NYAP2: variants seen among roughly 807,000 people sequenced by gnomAD.
The protein encoded by NYAP2 is neuronal tyrosine-phosphorylated phosphoinositide-3-kinase adapter 2.
Under a neutral mutation model 50.4 loss-of-function variants are expected in NYAP2, and 23 were observed. That is an observed-to-expected ratio of 0.46 (90% CI 0.33 to 0.65). The LOEUF is 0.65. Among genes scored for constraint, NYAP2 ranks in the 30% least tolerant of loss-of-function variants. The probability of loss-of-function intolerance (pLI) is 0.02; values close to 1 mark genes in which losing one functional copy is unlikely to be tolerated. For synonymous variants in NYAP2, 394 were observed against 365.2 expected (o/e 1.08, Z -0.90); for missense variants, 885 against 861.0 (o/e 1.03, Z -0.35).
Position 225,478,066 on chromosome 2 carries a change from G to A in NYAP2, c.222-35305G>A, listed in dbSNP as rs143474986. 3.9e-3 allele frequency among the ~76,000 whole-genome samples: 592 copies of A among 152,284 alleles called. 1 individual carries two copies. The highest frequency in any genetic ancestry group is 6.8e-3 in the Middle Eastern group (2 of 294). On this transcript the variant is annotated intron_variant, in intron 3 of 6. Transcript: ENST00000636099. ...AGGAACGGTTGAAATTAATCCTGTA[G>A]GCATTTAAGGAACATAAGTCATTAA...
At chr2:225,408,676 G>T (rs761917473) in intron 2 of NYAP2, among the ~76,000 whole-genome samples, 188 bp from the exon 3 acceptor site, 1 of 152,012 alleles carries the variant, frequency 6.6e-6, no homozygotes, top group Non-Finnish European at 1.5e-5. Context: ...TTGAGAGAAG[G>T]TTTGCTATTC....
chr2:225,465,070 T>C (rs1407854246), intron 3 of NYAP2, among the ~76,000 whole-genome samples: 2 of 151,434 alleles, frequency 1.3e-5, no homozygotes, highest in South Asian at 2.1e-4. Flanking sequence ...CAATGCAAGA[T>C]ACCATTTTTA....
chr2:225,603,430 A>C (rs1330619103), intron 5 of NYAP2, among the ~76,000 whole-genome samples: 1 of 152,152 alleles, frequency 6.6e-6, no homozygotes, highest in African/African-American at 2.4e-5. Context: ...GTAGTAAAGA[A>C]GACAGACAGA....
intron 4 of NYAP2, among the ~76,000 whole-genome samples, chr2:225,566,598 G>T (rs531400455): frequency 6.6e-5 from 10 of 152,326 alleles, no homozygotes; most frequent in African/African-American, 2.4e-4. Context: ...GGACACTTTT[G>T]TGCTGTCACA....
At chr2:225,454,280 A>G (rs1219772759) in intron 3 of NYAP2, among the ~76,000 whole-genome samples, 2 of 152,190 alleles carry the variant, frequency 1.3e-5, no homozygotes, top group African/African-American at 4.8e-5. Context: ...GCAATGAGCC[A>G]TGATTGTACC....
intron 4 of NYAP2, among the ~76,000 whole-genome samples, chr2:225,539,943 C>T (rs1691427902): frequency 1.3e-5 from 2 of 152,170 alleles, no homozygotes; most frequent in Non-Finnish European, 2.9e-5. Flanking sequence ...CCTTAATCAT[C>T]TCTCTCAAGT....
At chr2:225,695,818 A>G in the NYAP2 span, among the ~76,000 whole-genome samples, 1 of 151,970 alleles carries the variant, frequency 6.6e-6, no homozygotes, top group Non-Finnish European at 1.5e-5. Flanking sequence ...ACAAACACCT[A>G]AAATTTTATT....
intron 4 of NYAP2, among the ~76,000 whole-genome samples, chr2:225,519,738 G>A (rs1691012712): frequency 6.6e-6 from 1 of 152,092 alleles, no homozygotes; most frequent in African/African-American, 2.4e-5. Flanking sequence ...ACATACATGT[G>A]CATGTGTCTT....
Position 225,582,388 on chromosome 2 carries a change from C to T in NYAP2, c.971C>T (p.Pro324Leu), listed in dbSNP as rs752410491. Residue 324 changes from proline to leucine, a missense_variant, in exon 5 of 7, where the codon CCG becomes CTG. Pro to Leu is a moderately conservative substitution (Grantham distance 98). Transcript: ENST00000636099. The surrounding 1 kb of genome is among the most constrained non-coding windows in gnomAD (Gnocchi z 7.0). The stretch of plus-strand genomic sequence containing the variant: ...AAGGGGCTGCTTTGCGACATCCCTC[C>T]GCCCTTCCCCAACCTGCTTTCTCAC... 1 of 1,609,234 alleles carries T rather than the reference C, an allele frequency of 6.2e-7. No individual in the cohort carries two copies. Among genetic ancestry groups the T allele is most frequent in the Non-Finnish European group, 8.5e-7 (1 of 1,176,396 alleles).
chr2:225,531,270 C>G (rs150251349), intron 4 of NYAP2, among the ~76,000 whole-genome samples: 1 of 152,132 alleles, frequency 6.6e-6, no homozygotes, highest in Non-Finnish European at 1.5e-5. Flanking sequence ...TGCCTCTGTG[C>G]CCTTGCTTGT....
At chr2:225,470,226 A>G (rs1689990848) in intron 3 of NYAP2, among the ~76,000 whole-genome samples, 1 of 152,192 alleles carries the variant, frequency 6.6e-6, no homozygotes, top group South Asian at 2.1e-4. Context: ...TGCCTAAAGT[A>G]AAAGACTTGA....
intron 4 of NYAP2, among the ~76,000 whole-genome samples, chr2:225,569,089 A>G (rs1171394220): frequency 6.6e-6 from 1 of 152,176 alleles, no homozygotes; most frequent in East Asian, 1.9e-4. Context: ...GAGGGATAGC[A>G]AATAATTTTT....
At chr2:225,452,666 T>C (rs189130331) in intron 3 of NYAP2, among the ~76,000 whole-genome samples, 103 of 152,260 alleles carry the variant, frequency 6.8e-4, no homozygotes, top group Admixed American at 6.5e-3. Flanking sequence ...AACCCAAGAG[T>C]GCCTAGAGTG....
At chr2:225,665,717 G>T in the NYAP2 span, among the ~76,000 whole-genome samples, 1 of 144,838 alleles carries the variant, frequency 6.9e-6, no homozygotes, top group East Asian at 2.1e-4. Flanking sequence ...GCTGAGGTAG[G>T]AGAATTGCTT....
chr2:225,492,256 T>A (rs957394989), intron 3 of NYAP2, among the ~76,000 whole-genome samples: 1 of 152,240 alleles, frequency 6.6e-6, no homozygotes, highest in Non-Finnish European at 1.5e-5. Context: ...AGCCATCTTG[T>A]CAAGAAGTAT....
At chr2:225,663,064 G>A in the NYAP2 span, among the ~76,000 whole-genome samples, 1 of 152,068 alleles carries the variant, frequency 6.6e-6, no homozygotes, top group Non-Finnish European at 1.5e-5. Context: ...TTAAAACATG[G>A]GCTATTTTTA....
chr2:225,471,123 C>G (rs1040071123), intron 3 of NYAP2, among the ~76,000 whole-genome samples: 4 of 152,128 alleles, frequency 2.6e-5, no homozygotes, highest in African/African-American at 7.2e-5. Flanking sequence ...GGAAATGAAA[C>G]AGATGCTAGC....
intron 6 of NYAP2, among the ~76,000 whole-genome samples, chr2:225,650,804 A>C (rs1159009911): frequency 6.6e-6 from 1 of 152,212 alleles, no homozygotes; most frequent in African/African-American, 2.4e-5. Context: ...TCAGTCCTCA[A>C]ACTGTAATCT....
At chr2:225,420,428 T>A (rs1011368920) in intron 3 of NYAP2, among the ~76,000 whole-genome samples, 2 of 152,104 alleles carry the variant, frequency 1.3e-5, no homozygotes, top group Non-Finnish European at 2.9e-5. Flanking sequence ...ATTTTTAAAA[T>A]TTTTTTATAG....
Sources: gnomAD v4.1 joint callset for allele counts (sites outside exome capture counted in the v4.1 genomes callset) on GRCh38, gnomAD v4.1.1 for gene constraint, Gnocchi (gnomAD v3.1) non-coding constraint, MANE v1.5 for transcripts, NCBI Gene and HGNC (gene_info 2026-07-23, HGNC 2026-07-21) for gene names.